Variants in LDLRAD4 observed in about 807,000 individuals in gnomAD.
LDLRAD4 encodes the protein low density lipoprotein receptor class A domain containing 4.
In LDLRAD4, 5 loss-of-function variants were observed where a neutral mutation model predicts 17.0. That is an observed-to-expected ratio of 0.29 (90% CI 0.15 to 0.62). The LOEUF (loss-of-function observed/expected upper bound fraction) is 0.62. Ranked by LOEUF, LDLRAD4 falls within the 20% of genes least tolerant of loss-of-function variation. LDLRAD4 has a pLI of 0.84. For synonymous variants in LDLRAD4, 168 were observed against 171.8 expected, an observed-to-expected ratio of 0.98 and a Z score of 0.17; for missense variants, 340 against 424.7, an observed-to-expected ratio of 0.80 and a Z score of 1.75.
chr18:13,629,078 A>G (rs1248694233), intron 4 of LDLRAD4, among the ~76,000 whole-genome samples: 1 of 152,048 alleles, frequency 6.6e-6, no homozygotes, highest in African/African-American at 2.4e-5. Context: ...CGATCTTCCC[A>G]CTTCAGCCTC....
intron 3 of LDLRAD4, among the ~76,000 whole-genome samples, chr18:13,506,970 C>T (rs954038794): frequency 1.3e-5 from 2 of 152,138 alleles, no homozygotes; most frequent in African/African-American, 4.8e-5. Context: ...TTCACAGATA[C>T]CGTGTTTTTT....
Position 13,224,474 on chromosome 18 carries a change from C to CTTTTTTTTTTTTTT in LDLRAD4, c.-467+5496_-467+5509dup, listed in dbSNP as rs10676168. Among the ~76,000 whole-genome samples the CTTTTTTTTTTTTTT allele has an allele frequency of 9.6e-4, 84 of 87,876 alleles. 1 individual carries two copies. The highest frequency in any genetic ancestry group is 1.4e-3 in the South Asian group (3 of 2,126). 57.7% of individuals were successfully genotyped at this position (87,876 alleles called of 152,430 possible). ...AGCACTATAGTTTCTTTCTTTCTTT[C>CTTTTTTTTTTTTTT]TTTTTTTTTTTTTTTTTTTTTTTGA... is the stretch of plus-strand genomic sequence containing the variant. On this transcript the variant is annotated intron_variant, in intron 1 of 5. Coordinates refer to the LDLRAD4 transcript ENST00000399848.
chr18:13,504,723 C>A (rs1368077350), intron 3 of LDLRAD4, among the ~76,000 whole-genome samples: 2 of 152,152 alleles, frequency 1.3e-5, no homozygotes, highest in Non-Finnish European at 2.9e-5. Flanking sequence ...AGAACCACCC[C>A]ACTTGGCCAT....
chr18:13,597,641 C>T (rs909883019), intron 3 of LDLRAD4, among the ~76,000 whole-genome samples: 6 of 152,114 alleles, frequency 3.9e-5, no homozygotes, highest in Non-Finnish European at 8.8e-5. Flanking sequence ...ACTCAGAGTG[C>T]ACAGTCTTTA....
rs927462323 is a variant in LDLRAD4, at chr18:13,230,073, T to G, written c.-467+11085T>G. Among the ~76,000 whole-genome samples, 9 of 152,190 alleles carry G rather than the reference T, an allele frequency of 5.9e-5. No homozygotes were observed. The East Asian group carries it at 1.7e-3, about 29-fold the overall frequency. Reference sequence around the variant, plus strand: ...ATGGGGCTTCTAGGAGGGGATTAGGTCACGAGGCTTCTCCCTCATGTGTGG... The same window carrying G: ...ATGGGGCTTCTAGGAGGGGATTAGGGCACGAGGCTTCTCCCTCATGTGTGG... On this transcript the variant is annotated intron_variant, in intron 1 of 5. Transcript: ENST00000399848.
intron 2 of LDLRAD4, among the ~76,000 whole-genome samples, chr18:13,395,976 G>A (rs539065639): frequency 1.3e-5 from 2 of 152,212 alleles, no homozygotes; most frequent in South Asian, 4.2e-4. Context: ...ACAGGCCAAG[G>A]GTCTTCAAAC....
intron 3 of LDLRAD4, among the ~76,000 whole-genome samples, chr18:13,460,330 C>T (rs1371255783): frequency 6.6e-6 from 1 of 152,122 alleles, no homozygotes; most frequent in Non-Finnish European, 1.5e-5. Context: ...GTAGCTGGAA[C>T]TACAGGCACA....
intron 1 of LDLRAD4, among the ~76,000 whole-genome samples, chr18:13,306,068 A>G (rs1311539415): frequency 6.6e-6 from 1 of 152,254 alleles, no homozygotes; most frequent in East Asian, 1.9e-4. Context: ...GTTCCCAGAT[A>G]CCATTAAGAA....
intron 1 of LDLRAD4, among the ~76,000 whole-genome samples, chr18:13,278,661 C>A (rs575564618): frequency 6.6e-6 from 1 of 152,264 alleles, no homozygotes; most frequent in African/African-American, 2.4e-5. Context: ...ATATAAGGTC[C>A]ATTTTTTTCC....
At chr18:13,486,877 T>C (rs1157585631) in intron 3 of LDLRAD4, 2 of 152,048 alleles carry the variant, frequency 1.3e-5, no homozygotes, top group African/African-American at 4.8e-5. Context: ...AGTGTCGGGG[T>C]GGAATCACCA....
chr18:13,386,106 T>C (rs184080867), intron 1 of LDLRAD4, among the ~76,000 whole-genome samples: 1 of 152,370 alleles, frequency 6.6e-6, no homozygotes, highest in African/African-American at 2.4e-5. Context: ...TGTTCTGTGC[T>C]CTGTTCTCTT....
intron 3 of LDLRAD4, among the ~76,000 whole-genome samples, chr18:13,594,665 C>CAAAAAAAAAAAAAAAA (rs56035558): frequency 2.5e-3 from 75 of 29,576 alleles, no homozygotes; most frequent in East Asian, 3.8e-3. Context: ...GATTCCATCT[C>CAAAAAAAAAAAAAAAA]AAAAAAAAAA....
At chr18:13,629,844 G>A (rs1373666704) in intron 4 of LDLRAD4, among the ~76,000 whole-genome samples, 1 of 151,554 alleles carries the variant, frequency 6.6e-6, no homozygotes, top group Non-Finnish European at 1.5e-5. Flanking sequence ...CCCCTGTTGG[G>A]GAGGCTCACC....
chr18:13,238,544 G>GC (rs1238076997), intron 1 of LDLRAD4, among the ~76,000 whole-genome samples: 4 of 152,214 alleles, frequency 2.6e-5, no homozygotes, highest in Non-Finnish European at 5.9e-5. Context: ...ATTTTGGAGA[G>GC]CAGGTGGGAG....
At chr18:13,351,897 T>C (rs2083057556) in intron 1 of LDLRAD4, among the ~76,000 whole-genome samples, 1 of 152,092 alleles carries the variant, frequency 6.6e-6, no homozygotes, top group African/African-American at 2.4e-5. Context: ...CAGCAGCACA[T>C]CAAAAAGCTT....
At chr18:13,334,027 C>G (rs190314687) in intron 1 of LDLRAD4, among the ~76,000 whole-genome samples, 2 of 152,288 alleles carry the variant, frequency 1.3e-5, no homozygotes, top group East Asian at 3.9e-4. Flanking sequence ...GTATTCCTAT[C>G]CATGGACATG....
chr18:13,422,528 T>C (rs1187903057), intron 2 of LDLRAD4, among the ~76,000 whole-genome samples: 1 of 145,338 alleles, frequency 6.9e-6, no homozygotes, highest in African/African-American at 2.6e-5. Context: ...GAGACCCCCA[T>C]CTCTACCAAA....
In LDLRAD4 at chr18:13,367,831, T is replaced by G. The variant is rs1364972153; in HGVS notation, c.-382-19510T>G. Reference sequence around the variant, plus strand: ...GGATGTACTGAGAGAGAGGGGACAGTGGGGTGTGGGGGTGTGCTATCAAGG... The same window carrying G: ...GGATGTACTGAGAGAGAGGGGACAGGGGGGTGTGGGGGTGTGCTATCAAGG... On this transcript the variant is annotated intron_variant, in intron 1 of 5. Coordinates refer to ENST00000359446, the Ensembl canonical transcript of LDLRAD4. The surrounding 1 kb of genome is among the most constrained non-coding windows in gnomAD (Gnocchi z 4.1). 4.6e-5 allele frequency among the ~76,000 whole-genome samples: 5 copies of G among 109,250 alleles called. No individual in the cohort carries two copies. Among genetic ancestry groups the G allele is most frequent in the South Asian group, 2.9e-4 (1 of 3,452 alleles). The allele number at this position is 109,250 out of a possible 152,430, so 71.7% of individuals were successfully genotyped here.
intron 3 of LDLRAD4, among the ~76,000 whole-genome samples, chr18:13,591,849 AT>A (rs1005147500): frequency 1.3e-5 from 2 of 152,162 alleles, no homozygotes; most frequent in African/African-American, 4.8e-5. Context: ...ATGCACATGG[AT>A]TGTTTGATTT....
Sources: gnomAD v4.1 joint callset for allele counts (sites outside exome capture counted in the v4.1 genomes callset) on GRCh38, gnomAD v4.1.1 for gene constraint, Gnocchi (gnomAD v3.1) non-coding constraint, MANE v1.5 for transcripts, NCBI Gene and HGNC (gene_info 2026-07-23, HGNC 2026-07-21) for gene names.